TEX9: variants seen among roughly 807,000 people sequenced by gnomAD.
TEX9 encodes the protein testis expressed 9, also known as testis-expressed protein 9.
TEX9 carries 74 observed loss-of-function variants against 59.6 expected under a neutral mutation model. The observed-to-expected ratio is 1.24, with a 90% CI of 1.03 to 1.51. The LOEUF (loss-of-function observed/expected upper bound fraction) is 1.51. Ranked by LOEUF, TEX9 falls within the 40% of genes most tolerant of loss-of-function variation. The pLI, the probability that TEX9 is intolerant of heterozygous loss-of-function variation, is 0.00. For missense variants in TEX9, 522 were observed against 447.8 expected (o/e 1.17, Z -1.49); for synonymous variants, 186 against 152.2 (o/e 1.22, Z -1.64).
chr15:56,355,131 C>G (rs2046660836), intron 1 of TEX9, among the ~76,000 whole-genome samples: 1 of 152,168 alleles, frequency 6.6e-6, no homozygotes, highest in African/African-American at 2.4e-5. Context: ...ATTCCCAGTT[C>G]TAGGCAAACA....
At chr15:56,345,385 A>G (rs576161847) in intron 1 of TEX9, among the ~76,000 whole-genome samples, 1 of 152,252 alleles carries the variant, frequency 6.6e-6, no homozygotes, top group Non-Finnish European at 1.5e-5. Context: ...CAAACAACTC[A>G]TAATGTATGC....
Position 56,332,905 on chromosome 15 carries a change from A to C in TEX9, c.-106-40536A>C, listed in dbSNP as rs187571058. Reference sequence around the variant, plus strand: ...TACCATGAGCAACTATATGCTAATAAATTGGAAAATCTAAAAGAAATGGAT... The same window carrying C: ...TACCATGAGCAACTATATGCTAATACATTGGAAAATCTAAAAGAAATGGAT... On this transcript the variant is annotated intron_variant, in intron 1 of 5. Transcript: ENST00000560827. Among the ~76,000 whole-genome samples the C allele has an allele frequency of 2.0e-5, 3 of 152,296 alleles. No individual in the cohort carries two copies. In the East Asian group the frequency reaches 5.8e-4, roughly 29 times the overall value.
chr15:56,426,389 C>CTTAG (rs527391711), intron 10 of TEX9, among the ~76,000 whole-genome samples: 2 of 151,340 alleles, frequency 1.3e-5, no homozygotes, highest in Non-Finnish European at 2.9e-5. Flanking sequence ...ATGGCCTTTT[C>CTTAG]TTAGTTAGGC....
At chr15:56,453,290 T>C in the TEX9 span, among the ~76,000 whole-genome samples, 1 of 152,192 alleles carries the variant, frequency 6.6e-6, no homozygotes, top group African/African-American at 2.4e-5. Context: ...GAAATTAAGC[T>C]TGGGATCATT....
At chr15:56,345,809 G>A (rs779641915) in intron 1 of TEX9, among the ~76,000 whole-genome samples, 3 of 152,318 alleles carry the variant, frequency 2.0e-5, no homozygotes, top group Non-Finnish European at 4.4e-5. Flanking sequence ...TAATAGCTTT[G>A]GGGCAAGGAA....
At chr15:56,312,479 G>A (rs2045645538) in intron 1 of TEX9, among the ~76,000 whole-genome samples, 1 of 146,852 alleles carries the variant, frequency 6.8e-6, no homozygotes, top group East Asian at 2.0e-4. Context: ...ATTTCTGAGG[G>A]CTCTGTTCTG....
In TEX9 at chr15:56,418,645, T is replaced by C. The variant is rs971232436; in HGVS notation, c.963+6209T>C. On this transcript the variant is annotated intron_variant, in intron 10 of 12. Coordinates refer to ENST00000352903, the Ensembl canonical transcript of TEX9. ...CAGCCTGGGTGACAGAGCGAGACTC[T>C]GTCTCAAAAAAAACCAAAAAACAAA... 1.6e-4 allele frequency among the ~76,000 whole-genome samples: 24 copies of C among 151,592 alleles called. 2 individuals are homozygous for C. The highest frequency in any genetic ancestry group is 5.9e-4 in the African/African-American group (24 of 40,984).
intron 1 of TEX9, among the ~76,000 whole-genome samples, chr15:56,246,193 A>T (rs1012360155): frequency 6.6e-6 from 1 of 152,184 alleles, no homozygotes; most frequent in Non-Finnish European, 1.5e-5. Context: ...CAGCCACTAG[A>T]GGGCTCACGA....
intron 10 of TEX9, among the ~76,000 whole-genome samples, chr15:56,426,249 A>G (rs2050236177): frequency 6.6e-6 from 1 of 152,070 alleles, no homozygotes; most frequent in Admixed American, 6.6e-5. Context: ...GTTGCAAGCA[A>G]GTCTACTCTT....
At chr15:56,279,186 T>C (rs2044755315) in intron 1 of TEX9, among the ~76,000 whole-genome samples, 1 of 152,184 alleles carries the variant, frequency 6.6e-6, no homozygotes. Flanking sequence ...CATACAGAAA[T>C]GTACCTCATG....
At chr15:56,444,418 A>G (rs1297901951) in intron 12 of TEX9, 1 of 1,575,214 alleles carries the variant, frequency 6.3e-7, no homozygotes, top group East Asian at 2.2e-5. Flanking sequence ...ACATTTAGAC[A>G]TGTAAGAAAG....
chr15:56,444,378 C>T (rs1254823861), intron 12 of TEX9: 1 of 1,395,450 alleles, frequency 7.2e-7, no homozygotes, highest in Non-Finnish European at 9.7e-7. Context: ...TTCAGTTCCT[C>T]ACAACAAACC....
chr15:56,314,038 CT>C lies in TEX9; in HGVS notation c.-106-59396del, dbSNP rs1391164061. ...TATTGCGTCCATTTGATTCTTCTCT[CT>C]TTTTTTCTTTATTAGTCTTGCTAGC... On this transcript the variant is annotated intron_variant, in intron 1 of 5. Coordinates refer to the TEX9 transcript ENST00000560827. Among the ~76,000 whole-genome samples the C allele has an allele frequency of 2.8e-4, 14 of 49,488 alleles. No homozygotes were observed. The East Asian group carries it at 8.6e-3, about 30-fold the overall frequency. The allele number at this position is 49,488 out of a possible 152,430, so 32.5% of individuals were successfully genotyped here. A position where few individuals can be genotyped will look rare whatever the true frequency, so the allele number is the denominator to read the frequency against.
At chr15:56,259,404 G>T (rs1324872468) in intron 1 of TEX9, among the ~76,000 whole-genome samples, 1 of 151,886 alleles carries the variant, frequency 6.6e-6, no homozygotes, top group African/African-American at 2.4e-5. Flanking sequence ...TCACATGAAG[G>T]TTTATAATTT....
chr15:56,311,415 T>G (rs1379461257), intron 1 of TEX9, among the ~76,000 whole-genome samples: 2 of 137,844 alleles, frequency 1.5e-5, no homozygotes, highest in Non-Finnish European at 3.2e-5. Context: ...GTTCTTGCGA[T>G]AGTTTACTGA....
At chr15:56,309,541 C>T (rs1343690448) in intron 1 of TEX9, among the ~76,000 whole-genome samples, 2 of 151,784 alleles carry the variant, frequency 1.3e-5, no homozygotes, top group Non-Finnish European at 2.9e-5. Flanking sequence ...AAATCTTTGT[C>T]TGGTTTTGGT....
chr15:56,318,453 T>C (rs1596085444), intron 1 of TEX9, among the ~76,000 whole-genome samples: 3 of 152,174 alleles, frequency 2.0e-5, no homozygotes, highest in South Asian at 4.1e-4. Context: ...TTATCTATTC[T>C]ACAGTTCTTG....
rs563793184 is a variant in TEX9 at position 56,406,975 on chromosome 15, T to C, written c.829-5327T>C. On this transcript the variant is annotated intron_variant, in intron 9 of 12. Coordinates refer to ENST00000352903, the Ensembl canonical transcript of TEX9. ...GGCTTTTGCTTGTTTACCCAAAATA[T>C]TACTTTCTTGTGGTTGGTGCTTTTT... is the stretch of plus-strand genomic sequence containing the variant. Among the ~76,000 whole-genome samples, 15 of 152,244 alleles carry C rather than the reference T, an allele frequency of 9.9e-5. No individual in the cohort carries two copies. In the South Asian group the frequency reaches 2.5e-3, roughly 25 times the overall value.
At chr15:56,352,277 C>T (rs1172444185) in intron 1 of TEX9, among the ~76,000 whole-genome samples, 1 of 152,122 alleles carries the variant, frequency 6.6e-6, no homozygotes, top group Non-Finnish European at 1.5e-5. Flanking sequence ...CAGAGTCTCG[C>T]CCTGTCGTCT....
Sources: allele counts gnomAD v4.1 joint callset (sites outside exome capture counted in the v4.1 genomes callset), GRCh38; gene constraint gnomAD v4.1.1; transcripts MANE v1.5; gene names NCBI Gene and HGNC (gene_info 2026-07-23, HGNC 2026-07-21).